The following ATP2B2 variants were observed in gnomAD, a reference collection of about 807,000 sequenced individuals.
The protein encoded by ATP2B2 is ATPase plasma membrane Ca2+ transporting 2.
ATP2B2 carries 15 observed loss-of-function variants against 120.0 expected under a neutral mutation model. The ratio of observed to expected loss-of-function variants is 0.12; its 90% CI spans 0.08 to 0.19. ATP2B2 has a LOEUF of 0.19. ATP2B2 is among the 10% of genes least tolerant of loss of function. The pLI is 1.00. For missense variants in ATP2B2, 1,045 were observed against 1,719.8 expected, an observed-to-expected ratio of 0.61 and a Z score of 6.94; for synonymous variants, 694 against 700.3, an observed-to-expected ratio of 0.99 and a Z score of 0.14.
chr3:10,388,174 C>T lies in ATP2B2; in HGVS notation c.907+103G>A, dbSNP rs550789280. On this transcript the variant is annotated intron_variant, in intron 6 of 22. Coordinates refer to ENST00000360273, the MANE Select transcript of ATP2B2 (RefSeq NM_001001331.4). The stretch of plus-strand genomic sequence containing the variant: ...GGTGGCTGTCAGCACAGGGTGCGGA[C>T]GTAGAAGGCACTCAATAACTATTTT... 3.7e-5 allele frequency: 57 copies of T among 1,560,268 alleles called. No homozygotes were observed. In the East Asian group the frequency reaches 8.4e-4, roughly 23 times the overall value.
At chr3:10,507,307 G>C (rs1296365006), upstream of ATP2B2, among the ~76,000 whole-genome samples, 1 of 152,106 alleles carries the variant, frequency 6.6e-6, no homozygotes, top group African/African-American at 2.4e-5. Context: ...TTCATCTTGC[G>C]GGTGCAGATG....
At chr3:10,581,989 T>C (rs2125562293) in intron 2 of ATP2B2, among the ~76,000 whole-genome samples, 1 of 152,294 alleles carries the variant, frequency 6.6e-6, no homozygotes, top group African/African-American at 2.4e-5. Flanking sequence ...CCCACACTGG[T>C]CGGAATTTGC....
At chr3:10,391,441 C>T (rs2124898275) in intron 5 of ATP2B2, among the ~76,000 whole-genome samples, 1 of 152,346 alleles carries the variant, frequency 6.6e-6, no homozygotes, top group East Asian at 1.9e-4. Context: ...CCCCACCTCC[C>T]AACCCAAGAC....
At chr3:10,510,794 A>G (rs1575441154) in intron 3 of ATP2B2, among the ~76,000 whole-genome samples, 1 of 152,216 alleles carries the variant, frequency 6.6e-6, no homozygotes, top group South Asian at 2.1e-4. Flanking sequence ...GCACAAGGCC[A>G]TGGTCTCATC....
intron 1 of ATP2B2, among the ~76,000 whole-genome samples, chr3:10,502,172 CCTTT>C (rs2066421918): frequency 6.6e-6 from 1 of 152,222 alleles, no homozygotes; most frequent in African/African-American, 2.4e-5. Flanking sequence ...TCCTTTTTTC[CCTTT>C]CTGATCTCAG....
chr3:10,470,195 T>C (rs73119423), intron 1 of ATP2B2, among the ~76,000 whole-genome samples: 1,841 of 152,214 alleles, frequency 0.012, 48 homozygotes, highest in African/African-American at 0.042. Context: ...GTTCGGAAAG[T>C]GACAACAATG....
intron 3 of ATP2B2, among the ~76,000 whole-genome samples, chr3:10,524,055 G>A (rs898875614): frequency 2.0e-5 from 3 of 152,172 alleles, no homozygotes; most frequent in East Asian, 3.9e-4. Context: ...CGTGAGCATT[G>A]CCCATCCAGA....
intron 14 of ATP2B2, among the ~76,000 whole-genome samples, chr3:10,352,396 G>C (rs2060603714): frequency 6.6e-6 from 1 of 152,252 alleles, no homozygotes; most frequent in Admixed American, 6.5e-5. Context: ...GAAACCCGCA[G>C]TTCTGAGCGT....
intron 1 of ATP2B2, among the ~76,000 whole-genome samples, chr3:10,460,126 T>G (rs2064426703): frequency 6.6e-6 from 1 of 152,228 alleles, no homozygotes; most frequent in African/African-American, 2.4e-5. Flanking sequence ...AATGAAGTGC[T>G]GATGGATGGA....
chr3:10,378,170 A>G (rs1017404283), intron 10 of ATP2B2, 82 bp downstream of exon 10: 65 of 1,541,664 alleles, frequency 4.2e-5, no homozygotes, highest in Non-Finnish European at 5.3e-5. Flanking sequence ...CAGATGAGGT[A>G]ACTGAGGCCG....
At chr3:10,497,200 G>T (rs915860182) in intron 1 of ATP2B2, among the ~76,000 whole-genome samples, 1 of 152,244 alleles carries the variant, frequency 6.6e-6, no homozygotes, top group Non-Finnish European at 1.5e-5. Context: ...CACTGGTGAT[G>T]TATCTGCTGG....
At chr3:10,579,692 C>A (rs1023383987) in intron 2 of ATP2B2, among the ~76,000 whole-genome samples, 52 of 152,184 alleles carry the variant, frequency 3.4e-4, no homozygotes, top group Non-Finnish European at 2.2e-4. Flanking sequence ...TGCCTGTAAT[C>A]CCAGTTACTT....
chr3:10,379,174 G>A (rs993940982), intron 9 of ATP2B2, 69 bp downstream of exon 9: 2 of 1,534,156 alleles, frequency 1.3e-6, no homozygotes, highest in Non-Finnish European at 9.0e-7. Context: ...TCTGTCTCTG[G>A]TGTGACTGTC....
At chr3:10,633,819 G>A (rs1334316473) in intron 1 of ATP2B2, among the ~76,000 whole-genome samples, 1 of 152,178 alleles carries the variant, frequency 6.6e-6, no homozygotes, top group Non-Finnish European at 1.5e-5. Context: ...TGTATTGGCT[G>A]TCCCCCCAAC....
rs2060340570 is a variant in ATP2B2 at position 10,343,419 on chromosome 3, C to A, written c.2704-454G>T. 6.6e-6 allele frequency among the ~76,000 whole-genome samples: 1 copy of A among 150,482 alleles called. No individual in the cohort carries two copies. The highest frequency in any genetic ancestry group is 6.6e-5 in the Admixed American group (1 of 15,080). On this transcript the variant is annotated intron_variant, in intron 18 of 22. Coordinates refer to ENST00000360273, the MANE Select transcript of ATP2B2 (RefSeq NM_001001331.4). The surrounding 1 kb of genome is among the most constrained non-coding windows in gnomAD (Gnocchi z 4.2). ...GTCCCCCACCCCCCCAATGTCTCCTCCCCTCTTATCCCGCCTTACCTTAAA... is the reference window on the plus strand; with the variant it reads ...GTCCCCCACCCCCCCAATGTCTCCTACCCTCTTATCCCGCCTTACCTTAAA...
intron 2 of ATP2B2, among the ~76,000 whole-genome samples, chr3:10,556,186 C>T (rs558930462): frequency 6.6e-6 from 1 of 152,334 alleles, no homozygotes; most frequent in East Asian, 1.9e-4. Context: ...AGGCGTGAGC[C>T]ACTGTGCTTG....
rs1028528595 is a variant in ATP2B2 at position 10,423,345 on chromosome 3, G to A, written c.200-12530C>T. 5.9e-5 allele frequency among the ~76,000 whole-genome samples: 9 copies of A among 152,206 alleles called. 1 individual carries two copies. Among genetic ancestry groups the A allele is most frequent in the East Asian group, 1.9e-4 (1 of 5,166 alleles). ...TGGGAAAATGGAGGCCCAGAGACGC[G>A]GAAGCGACTTGATCCAGGTCCAGGG... On this transcript the variant is annotated intron_variant, in intron 2 of 22. Coordinates refer to ENST00000360273, the MANE Select transcript of ATP2B2 (RefSeq NM_001001331.4).
At chr3:10,616,068 C>T (rs993356029) in intron 2 of ATP2B2, among the ~76,000 whole-genome samples, 6 of 152,130 alleles carry the variant, frequency 3.9e-5, no homozygotes, top group Admixed American at 1.3e-4. Context: ...CTCCCTCCCC[C>T]GATCCCACTA....
At chr3:10,683,758 G>GTATA (rs2071440940) in intron 1 of ATP2B2, among the ~76,000 whole-genome samples, 4 of 33,636 alleles carry the variant, frequency 1.2e-4, no homozygotes, top group South Asian at 1.2e-3. Context: ...ATGTGTGTGT[G>GTATA]TGTATATATA....
Sources: allele counts gnomAD v4.1 joint callset (sites outside exome capture counted in the v4.1 genomes callset), GRCh38; gene constraint gnomAD v4.1.1; non-coding constraint Gnocchi (gnomAD v3.1); transcripts MANE v1.5; gene names NCBI Gene and HGNC (gene_info 2026-07-23, HGNC 2026-07-21).